Variants in CD99 observed in about 807,000 individuals in gnomAD.
CD99 encodes the protein CD99 antigen.
A neutral mutation model predicts 28.4 loss-of-function variants in CD99; 19 were observed. That is an observed-to-expected ratio of 0.67 (90% CI 0.47 to 0.98). The LOEUF (loss-of-function observed/expected upper bound fraction) is 0.98, where lower values mean the gene tolerates loss of function less well. Among genes scored for constraint, CD99 ranks in the 50% least tolerant of loss-of-function variants. CD99 has a pLI of 0.00. For missense variants in CD99, 283 were observed against 248.8 expected, an observed-to-expected ratio of 1.14 and a Z score of -0.92; for synonymous variants, 103 against 92.1, an observed-to-expected ratio of 1.12 and a Z score of -0.67.
intron 4 of CD99, 66 bp downstream of exon 4, chrX:2,719,771 C>T (rs2048908140): frequency 1.3e-6 from 2 of 1,486,108 alleles, no homozygotes; most frequent in Non-Finnish European, 9.4e-7. Context: ...ATGATCATTT[C>T]AGAGAGAATT....
At chrX:2,727,053 T>A (rs781438942) in intron 8 of CD99, among the ~76,000 whole-genome samples, 1 of 152,068 alleles carries the variant, frequency 6.6e-6, no homozygotes, top group East Asian at 1.9e-4. Context: ...AGGAGAATGG[T>A]GTGAACCTGG....
intron 1 of CD99, among the ~76,000 whole-genome samples, chrX:2,697,097 A>C (rs1014435068): frequency 3.0e-4 from 45 of 152,132 alleles, no homozygotes; most frequent in African/African-American, 1.0e-3. Context: ...CACAGGGTAC[A>C]TGGAAAGCCT....
chrX:2,707,420 G>T (rs2048175918), intron 1 of CD99, among the ~76,000 whole-genome samples: 1 of 152,202 alleles, frequency 6.6e-6, no homozygotes, highest in Admixed American at 6.5e-5. Context: ...GTGCATTCCT[G>T]CATTAGTGCA....
intron 7 of CD99, among the ~76,000 whole-genome samples, chrX:2,724,644 C>A (rs2049177436): frequency 6.6e-6 from 1 of 152,020 alleles, no homozygotes; most frequent in African/African-American, 2.4e-5. Context: ...GTGGCTCACA[C>A]CTGTAATCCT....
chrX:2,717,447 T>G, intron 2 of CD99, 158 bp from the exon 3 acceptor site: 2 of 636,284 alleles, frequency 3.1e-6, no homozygotes, highest in Non-Finnish European at 2.8e-6. Flanking sequence ...CAAGAGTCGT[T>G]GTATAAACCT....
At chrX:2,727,398 T>G in intron 8 of CD99, 1 of 767,308 alleles carries the variant, frequency 1.3e-6, no homozygotes. Context: ...CACTGGGCAC[T>G]TACATTTAGC....
At chrX:2,714,765 C>T (rs2048607419) in intron 2 of CD99, 1 of 300,536 alleles carries the variant, frequency 3.3e-6, no homozygotes, top group Admixed American at 4.9e-5. Context: ...TCTGGCTTGC[C>T]ACAGGGTTGC....
chrX:2,691,476 G>A, intron 1 of CD99, 49 bp downstream of exon 1: 1 of 1,539,288 alleles, frequency 6.5e-7, no homozygotes, highest in Non-Finnish European at 8.7e-7. Context: ...GGCGCGGGCC[G>A]GGACTGGGGA....
At chrX:2,740,172 A>G (rs2050134632) in intron 9 of CD99, among the ~76,000 whole-genome samples, 3 of 152,126 alleles carry the variant, frequency 2.0e-5, no homozygotes, top group South Asian at 4.1e-4. Flanking sequence ...TGTTTAGAAC[A>G]AGCTATATCT....
At chrX:2,727,157 A>AC in intron 8 of CD99, 1 of 694,960 alleles carries the variant, frequency 1.4e-6, no homozygotes. Context: ...ACAAAACAAA[A>AC]ACCAGCACAG....
intron 7 of CD99, among the ~76,000 whole-genome samples, chrX:2,725,096 CAT>C (rs1294848455): frequency 1.9e-4 from 26 of 136,328 alleles, no homozygotes; most frequent in Non-Finnish European, 3.5e-4. Flanking sequence ...GCTGGAATAA[CAT>C]AAAAAAAAAA....
intron 1 of CD99, among the ~76,000 whole-genome samples, chrX:2,707,009 C>T (rs1436734579): frequency 1.3e-5 from 2 of 151,960 alleles, no homozygotes; most frequent in African/African-American, 2.4e-5. Flanking sequence ...ATGTGAAACA[C>T]CTGAATGATG....
At chrX:2,704,478 G>C (rs2048027880) in intron 1 of CD99, among the ~76,000 whole-genome samples, 1 of 151,760 alleles carries the variant, frequency 6.6e-6, no homozygotes, top group African/African-American at 2.4e-5. Context: ...CTATCACCCA[G>C]GCTAGTGTGC....
At chrX:2,699,467 C>CT (rs749766023) in intron 1 of CD99, among the ~76,000 whole-genome samples, 17,640 of 120,832 alleles carry the variant, frequency 0.15, 1,775 homozygotes, top group African/African-American at 0.27. Flanking sequence ...CGCGCCCAGC[C>CT]TTTTTTTTTT....
At chrX:2,738,168 A>G (rs762879102) in intron 8 of CD99, 32 bp from the exon 9 acceptor site, 15 of 1,602,846 alleles carry the variant, frequency 9.4e-6, no homozygotes, top group Non-Finnish European at 1.3e-5. Flanking sequence ...TGTTGCACTG[A>G]GCCTCTCTGT....
intron 1 of CD99, among the ~76,000 whole-genome samples, chrX:2,713,366 AAC>A (rs894368058): frequency 6.7e-6 from 1 of 150,304 alleles, no homozygotes; most frequent in African/African-American, 2.5e-5. Context: ...ACTTACACAA[AAC>A]ACGCCTACAC....
intron 8 of CD99, chrX:2,733,386 A>C: frequency 6.3e-7 from 1 of 1,592,850 alleles, no homozygotes; most frequent in Non-Finnish European, 8.5e-7. Flanking sequence ...TGAGCAGAGA[A>C]CCCAGCCCAG....
At chrX:2,713,330 CAG>C (rs1452942966) in intron 1 of CD99, among the ~76,000 whole-genome samples, 5 of 151,816 alleles carry the variant, frequency 3.3e-5, no homozygotes, top group Admixed American at 6.6e-5. Context: ...ACTACACACA[CAG>C]AAACCCACAA....
intron 1 of CD99, among the ~76,000 whole-genome samples, chrX:2,710,810 A>G (rs1434070809): frequency 6.6e-6 from 1 of 151,474 alleles, no homozygotes; most frequent in Non-Finnish European, 1.5e-5. Flanking sequence ...AACAGTTACG[A>G]ATTGATCTAG....
Sources: allele counts gnomAD v4.1 joint callset (sites outside exome capture counted in the v4.1 genomes callset), GRCh38; gene constraint gnomAD v4.1.1; transcripts MANE v1.5; gene names NCBI Gene and HGNC (gene_info 2026-07-23, HGNC 2026-07-21).